The following MCMBP variants were observed in gnomAD, a reference collection of about 807,000 sequenced individuals.
MCMBP encodes minichromosome maintenance complex binding protein, also known as mini-chromosome maintenance complex-binding protein.
In MCMBP, 31 loss-of-function variants were observed where a neutral mutation model predicts 81.3. That is an observed-to-expected ratio of 0.38 (90% CI 0.29 to 0.51). The LOEUF (loss-of-function observed/expected upper bound fraction) is 0.51. MCMBP is among the 20% of genes least tolerant of loss of function. The pLI, the probability that MCMBP is intolerant of heterozygous loss-of-function variation, is 0.87. For missense variants in MCMBP, 645 were observed against 772.1 expected, an observed-to-expected ratio of 0.84 and a Z score of 1.95; for synonymous variants, 267 against 275.9, an observed-to-expected ratio of 0.97 and a Z score of 0.32.
chr10:119,838,128 A>G (rs1852310728), intron 12 of MCMBP, among the ~76,000 whole-genome samples: 1 of 151,716 alleles, frequency 6.6e-6, no homozygotes, highest in East Asian at 1.9e-4. Context: ...ACTTTTCACC[A>G]AAGAACCCTT....
intron 1 of MCMBP, among the ~76,000 whole-genome samples, chr10:119,867,335 T>C (rs61869125): frequency 0.11 from 15,648 of 140,288 alleles, 912 homozygotes; most frequent in South Asian, 0.18. Flanking sequence ...GTTACTTCAA[T>C]GGAGGGAGCA....
At chr10:119,865,622 GA>G (rs768137094) in intron 1 of MCMBP, among the ~76,000 whole-genome samples, 5 of 152,130 alleles carry the variant, frequency 3.3e-5, no homozygotes, top group Admixed American at 6.6e-5. Context: ...GTATATCTGG[GA>G]AAGAACCAAA....
intron 1 of MCMBP, among the ~76,000 whole-genome samples, chr10:119,861,036 G>A (rs1398870380): frequency 2.0e-5 from 3 of 152,168 alleles, no homozygotes; most frequent in Admixed American, 6.5e-5. Context: ...AGCTATTGAC[G>A]GAATACAGAT....
At chr10:119,834,688 CA>C (rs1028304232) in intron 14 of MCMBP, among the ~76,000 whole-genome samples, 1 of 150,998 alleles carries the variant, frequency 6.6e-6, no homozygotes, top group Non-Finnish European at 1.5e-5. Context: ...CCAAACAAAA[CA>C]AAAAAACCCA....
chr10:119,836,123 C>T (rs983366697), intron 13 of MCMBP, among the ~76,000 whole-genome samples: 4 of 152,332 alleles, frequency 2.6e-5, no homozygotes, highest in African/African-American at 4.8e-5. Flanking sequence ...CGTGAGCCAC[C>T]GCAGCCAGTG....
intron 6 of MCMBP, among the ~76,000 whole-genome samples, chr10:119,849,817 C>T (rs989536777): frequency 6.6e-6 from 1 of 152,060 alleles, no homozygotes; most frequent in Non-Finnish European, 1.5e-5. Context: ...TGTAAGATAT[C>T]AACAAATTCC....
At chr10:119,853,725 T>A (rs1334413400) in intron 5 of MCMBP, among the ~76,000 whole-genome samples, 1 of 152,172 alleles carries the variant, frequency 6.6e-6, no homozygotes, top group Non-Finnish European at 1.5e-5. Flanking sequence ...AAGTCAAGAC[T>A]CCCTGAGGAC....
At chr10:119,844,407 C>T (rs1290369942) in intron 8 of MCMBP, among the ~76,000 whole-genome samples, 4 of 152,162 alleles carry the variant, frequency 2.6e-5, no homozygotes, top group Admixed American at 1.3e-4. Flanking sequence ...TTCCATAGTA[C>T]GTACCATGTG....
intron 14 of MCMBP, among the ~76,000 whole-genome samples, chr10:119,834,883 A>AAG (rs1554900261): frequency 2.0e-5 from 3 of 149,864 alleles, no homozygotes; most frequent in African/African-American, 7.4e-5. Context: ...AAAAAAAAAA[A>AAG]AAGAATTTGC....
intron 1 of MCMBP, among the ~76,000 whole-genome samples, chr10:119,871,916 C>T (rs866080531): frequency 6.6e-6 from 1 of 152,178 alleles, no homozygotes; most frequent in Admixed American, 6.5e-5. Context: ...TCAAGTAGCT[C>T]AATATTTCTT....
chr10:119,855,410 G>A (rs369510695), intron 5 of MCMBP, among the ~76,000 whole-genome samples: 6 of 152,296 alleles, frequency 3.9e-5, no homozygotes, highest in African/African-American at 1.2e-4. Context: ...GGTGGCTCAC[G>A]CCTGTAATCC....
At chr10:119,872,108 G>C (rs763661019) in intron 1 of MCMBP, among the ~76,000 whole-genome samples, 35 of 152,184 alleles carry the variant, frequency 2.3e-4, no homozygotes, top group Non-Finnish European at 4.4e-4. Flanking sequence ...GAAATATCCT[G>C]TGGGCTTCCC....
At chr10:119,856,493 C>T (rs1853050801) in intron 5 of MCMBP, among the ~76,000 whole-genome samples, 1 of 152,184 alleles carries the variant, frequency 6.6e-6, no homozygotes, top group African/African-American at 2.4e-5. Flanking sequence ...ATTCAACAGA[C>T]AAGACCAAGC....
chr10:119,862,518 G>A (rs1338918088), intron 1 of MCMBP, among the ~76,000 whole-genome samples: 2 of 152,130 alleles, frequency 1.3e-5, no homozygotes, highest in African/African-American at 4.8e-5. Flanking sequence ...CAACACATTT[G>A]TATATCAATA....
chr10:119,842,524 G>A lies in MCMBP; in HGVS notation c.1072C>T (p.Leu358=). ...ELLGFLTHAL[L]GDSLAAEYLI... The stretch of plus-strand genomic sequence containing the variant: ...TATTCAGCAGCCAAACTATCCCCCA[G>A]AAGGGCATGAGTAAGGAACCCAAGA... Residue 358 remains leucine (L), a synonymous_variant, in exon 10 of 16, where the codon CTG becomes TTG. Coordinates refer to ENST00000369077, the MANE Select transcript of MCMBP (RefSeq NM_001256378.2). 6.2e-7 allele frequency: 1 copy of A among 1,613,960 alleles called. No homozygotes were observed. Among genetic ancestry groups the A allele is most frequent in the South Asian group, 1.1e-5 (1 of 91,074 alleles).
At chr10:119,842,767 C>CT (rs71019726) in intron 9 of MCMBP, 172 bp from the exon 10 acceptor site, 54,938 of 485,080 alleles carry the variant, frequency 0.11, 605 homozygotes, top group South Asian at 0.23. Flanking sequence ...TTGCATCCTC[C>CT]TTTTTTTTTT....
chr10:119,866,035 C>A (rs1853437484), intron 1 of MCMBP, among the ~76,000 whole-genome samples: 1 of 151,166 alleles, frequency 6.6e-6, no homozygotes, highest in Non-Finnish European at 1.5e-5. Flanking sequence ...CTGCGGTGAA[C>A]CATGATCTTG....
chr10:119,866,384 G>A (rs59934005), intron 1 of MCMBP, among the ~76,000 whole-genome samples: 3,205 of 152,284 alleles, frequency 0.021, 114 homozygotes, highest in African/African-American at 0.074. Context: ...CCAACACTTT[G>A]GGAGGCCGAG....
At chr10:119,840,265 G>A (rs1434563777) in intron 11 of MCMBP, among the ~76,000 whole-genome samples, 2 of 152,118 alleles carry the variant, frequency 1.3e-5, no homozygotes, top group Non-Finnish European at 1.5e-5. Context: ...TGTTAGCACT[G>A]AGACACTGAA....
Sources: gnomAD v4.1 joint callset for allele counts (sites outside exome capture counted in the v4.1 genomes callset) on GRCh38, gnomAD v4.1.1 for gene constraint, MANE v1.5 for transcripts, NCBI Gene and HGNC (gene_info 2026-07-23, HGNC 2026-07-21) for gene names.